Variants in ZFYVE28 observed in about 807,000 individuals in gnomAD.
ZFYVE28 encodes zinc finger FYVE-type containing 28.
ZFYVE28 carries 40 observed loss-of-function variants against 82.1 expected under a neutral mutation model. The ratio of observed to expected loss-of-function variants is 0.49; its 90% CI spans 0.38 to 0.63. The LOEUF is 0.63. Among genes scored for constraint, ZFYVE28 ranks in the 30% least tolerant of loss-of-function variants. The probability of loss-of-function intolerance (pLI) is 0.00; values close to 1 mark genes in which losing one functional copy is unlikely to be tolerated. For missense variants in ZFYVE28, 1,321 were observed against 1,242.1 expected (o/e 1.06, Z -0.96); for synonymous variants, 612 against 546.1 (o/e 1.12, Z -1.68).
chr4:2,295,879 G>C (rs1435869489), intron 8 of ZFYVE28: 1 of 152,482 alleles, frequency 6.6e-6, no homozygotes, highest in Non-Finnish European at 1.5e-5. Flanking sequence ...ATGGTGAGGG[G>C]CTCCTTCCAT....
chr4:2,295,350 TA>T (rs1187921963), intron 8 of ZFYVE28, among the ~76,000 whole-genome samples: 8 of 145,742 alleles, frequency 5.5e-5, no homozygotes, highest in African/African-American at 2.0e-4. Context: ...TTTTTTTTTT[TA>T]GTAAAGACGG....
At position 2,408,206 on chromosome 4, in the gene ZFYVE28, C is replaced by A. The variant is rs1732127607; in HGVS notation, c.39+10079G>T. Reference sequence around the variant, plus strand: ...TGCTTCACCCAGTCCTGGACCAACACATCTCCCCTAACCCCACCATGCCCT... The same window carrying A: ...TGCTTCACCCAGTCCTGGACCAACAAATCTCCCCTAACCCCACCATGCCCT... On this transcript the variant is annotated intron_variant, in intron 1 of 12. Coordinates refer to ENST00000290974, the MANE Select transcript of ZFYVE28 (RefSeq NM_020972.3). This position sits in a 1 kb window ranked among gnomAD's most constrained non-coding sequence, Gnocchi z 4.3. Among the ~76,000 whole-genome samples, 1 of 152,220 alleles carries A rather than the reference C, an allele frequency of 6.6e-6. No homozygotes were observed. The highest frequency in any genetic ancestry group is 1.5e-5 in the Non-Finnish European group (1 of 68,026).
Position 2,274,193 on chromosome 4 carries a change from G to A in ZFYVE28, c.2075C>T (p.Ser692Phe), listed in dbSNP as rs368069826. ...CGCCTCTGGCCCCATCTTGTCTGAG[G>A]AGCAGGACCCAGCTGTGGAGCTGCT... is the stretch of plus-strand genomic sequence containing the variant. ...GSSSSTAGSC[S>F]SDKMGPEAAP... The change falls in exon 9 of 13, where the codon TCC becomes TTC. Residue 692 changes from serine (S) to phenylalanine (F), a missense_variant. Ser to Phe is a radical substitution (Grantham distance 155). Around this residue, in one of 2 missense-constraint regions of ZFYVE28, gnomAD observed 978 missense variants for 833.7 expected, o/e 1.17. Transcript: ENST00000290974. The A allele has an allele frequency of 6.2e-7, 1 of 1,613,754 alleles. No homozygotes were observed. Among genetic ancestry groups the A allele is most frequent in the Non-Finnish European group, 8.5e-7 (1 of 1,179,932 alleles).
intron 1 of ZFYVE28, among the ~76,000 whole-genome samples, chr4:2,412,124 C>A (rs542822161): frequency 6.6e-6 from 1 of 152,278 alleles, no homozygotes; most frequent in South Asian, 2.1e-4. Context: ...ATGCCTGAGG[C>A]GTACTAAGTC....
intron 1 of ZFYVE28, among the ~76,000 whole-genome samples, chr4:2,396,894 G>C (rs541357074): frequency 1.8e-4 from 28 of 152,318 alleles, no homozygotes; most frequent in Admixed American, 1.0e-3. Flanking sequence ...GGAGTCACTG[G>C]GGGGTCCTGA....
chr4:2,331,686 G>A (rs1346267139), intron 6 of ZFYVE28, among the ~76,000 whole-genome samples: 1 of 152,180 alleles, frequency 6.6e-6, no homozygotes, highest in Non-Finnish European at 1.5e-5. Context: ...CAGGGCAAGT[G>A]GGGCCCCTCC....
At chr4:2,389,087 C>T (rs1177105913) in intron 1 of ZFYVE28, among the ~76,000 whole-genome samples, 1 of 152,178 alleles carries the variant, frequency 6.6e-6, no homozygotes, top group Non-Finnish European at 1.5e-5. Flanking sequence ...AGATTCTCTC[C>T]TCCACCCATC....
intron 8 of ZFYVE28, among the ~76,000 whole-genome samples, chr4:2,304,020 T>C (rs543619131): frequency 1.5e-3 from 225 of 152,354 alleles, no homozygotes; most frequent in Admixed American, 3.0e-3. Flanking sequence ...CCATGTCACC[T>C]GACAGGCACC....
intron 2 of ZFYVE28, among the ~76,000 whole-genome samples, chr4:2,344,960 C>T (rs1047621991): frequency 6.6e-6 from 1 of 151,988 alleles, no homozygotes; most frequent in South Asian, 2.1e-4. Context: ...GCCTGTAATC[C>T]CAGCACTTGG....
intron 6 of ZFYVE28, among the ~76,000 whole-genome samples, chr4:2,323,455 A>G (rs1365964085): frequency 6.6e-6 from 1 of 152,194 alleles, no homozygotes; most frequent in Admixed American, 6.5e-5. Context: ...TTAAATCTTC[A>G]TCAGATATAT....
At chr4:2,312,072 G>C (rs866985017) in intron 7 of ZFYVE28, among the ~76,000 whole-genome samples, 2 of 152,190 alleles carry the variant, frequency 1.3e-5, no homozygotes, top group African/African-American at 4.8e-5. Context: ...GCTCACACCT[G>C]TAGTCCTAGC....
At chr4:2,297,697 A>G (rs981603188) in intron 8 of ZFYVE28, among the ~76,000 whole-genome samples, 9 of 152,234 alleles carry the variant, frequency 5.9e-5, no homozygotes, top group Admixed American at 6.5e-5. Flanking sequence ...ACACGGTGAT[A>G]TAGCGACATG....
chr4:2,334,922 T>A (rs1721424804), intron 6 of ZFYVE28, among the ~76,000 whole-genome samples: 1 of 144,806 alleles, frequency 6.9e-6, no homozygotes, highest in Non-Finnish European at 1.5e-5. Flanking sequence ...TCCGCCCCCG[T>A]GACCATCCGC....
intron 1 of ZFYVE28, among the ~76,000 whole-genome samples, chr4:2,395,539 GGCT>G (rs55798021): frequency 0.011 from 1,751 of 152,324 alleles, 18 homozygotes; most frequent in Non-Finnish European, 0.019. Flanking sequence ...AGCACAGCCT[GGCT>G]GTCACACTCA....
In ZFYVE28 at chr4:2,304,981, T is replaced by C. The variant is rs1716320029; in HGVS notation, c.1359A>G (p.Glu453=). The change falls in exon 8 of 13, where the codon GAA becomes GAG. Residue 453 remains glutamate, a synonymous_variant. Transcript: ENST00000290974. ...GAAGISLPAS[E]KEEDLSNNNL... is the part of the protein sequence containing the mutation. ...TGTTGTTGCTCAAGTCCTCCTCCTT[T>C]TCCGAGGCGGGCAAGCTGATCCCCG... 6.2e-7 allele frequency: 1 copy of C among 1,612,522 alleles called. No individual in the cohort carries two copies. Among genetic ancestry groups the C allele is most frequent in the Admixed American group, 1.7e-5 (1 of 59,994 alleles).
intron 2 of ZFYVE28, among the ~76,000 whole-genome samples, chr4:2,350,026 G>A (rs1724129232): frequency 1.0e-5 from 1 of 99,668 alleles, no homozygotes; most frequent in South Asian, 3.6e-4. Flanking sequence ...TCAATAGGGT[G>A]ACACACAGAC....
At chr4:2,354,422 C>A (rs1218896301) in intron 1 of ZFYVE28, among the ~76,000 whole-genome samples, 6 of 150,888 alleles carry the variant, frequency 4.0e-5, no homozygotes, top group Admixed American at 6.6e-5. Flanking sequence ...GGGTCCCCGG[C>A]GCTCCAGGCG....
chr4:2,360,176 C>T (rs1725922276), intron 1 of ZFYVE28, among the ~76,000 whole-genome samples: 1 of 151,954 alleles, frequency 6.6e-6, no homozygotes, highest in Non-Finnish European at 1.5e-5. Flanking sequence ...CCCCCGAGAA[C>T]AGGGAAGCTC....
intron 10 of ZFYVE28, among the ~76,000 whole-genome samples, chr4:2,272,446 G>A (rs1222702760): frequency 2.0e-5 from 3 of 152,210 alleles, no homozygotes; most frequent in African/African-American, 7.2e-5. Context: ...CAGACTCCCT[G>A]TGCCTAACCA....
Sources: gnomAD v4.1 joint callset for allele counts (sites outside exome capture counted in the v4.1 genomes callset) on GRCh38, gnomAD v4.1.1 for gene constraint, gnomAD v4.1.1 regional missense constraint, Gnocchi (gnomAD v3.1) non-coding constraint, MANE v1.5 for transcripts, NCBI Gene and HGNC (gene_info 2026-07-23, HGNC 2026-07-21) for gene names.